DHX32: variants seen among roughly 807,000 people sequenced by gnomAD.
DHX32 encodes the protein DEAH-box helicase 32 (putative).
Under a neutral mutation model 70.0 loss-of-function variants are expected in DHX32, and 51 were observed. That is an observed-to-expected ratio of 0.73 (90% CI 0.58 to 0.92). The LOEUF (loss-of-function observed/expected upper bound fraction) is 0.92, where lower values mean the gene tolerates loss of function less well. Among genes scored for constraint, DHX32 ranks in the 40% least tolerant of loss-of-function variants. The pLI, the probability that DHX32 is intolerant of heterozygous loss-of-function variation, is 0.00. For missense variants in DHX32, 762 were observed against 891.8 expected (o/e 0.85, Z 1.85); for synonymous variants, 310 against 315.3 (o/e 0.98, Z 0.18).
At chr10:125,861,346 A>T (rs1944187107) in intron 2 of DHX32, among the ~76,000 whole-genome samples, 1 of 151,950 alleles carries the variant, frequency 6.6e-6, no homozygotes, top group Non-Finnish European at 1.5e-5. Context: ...AAATACAAAA[A>T]ATTAGCCGGG....
intron 1 of DHX32, among the ~76,000 whole-genome samples, chr10:125,893,648 A>G (rs1262285000): frequency 6.6e-6 from 1 of 152,236 alleles, no homozygotes; most frequent in Non-Finnish European, 1.5e-5. Flanking sequence ...CAAAGAGGAA[A>G]ACACCAAAAA....
At chr10:125,839,307 G>GT in intron 8 of DHX32, 119 bp from the exon 9 acceptor site, 2 of 984,280 alleles carry the variant, frequency 2.0e-6, no homozygotes, top group Non-Finnish European at 2.9e-6. Context: ...AGGAGGCCAC[G>GT]TAGGTGAGTG....
In DHX32 at chr10:125,836,623, T is replaced by C. The variant is rs964141130; in HGVS notation, c.*64A>G. Reference sequence around the variant, plus strand: ...CCGTCTTCGCGTCATGTATCTCCCATATCCAGCAGTTCAGCCATCCAGCTA... The same window carrying C: ...CCGTCTTCGCGTCATGTATCTCCCACATCCAGCAGTTCAGCCATCCAGCTA... On this transcript the variant is annotated 3_prime_UTR_variant, in exon 11 of 11. Coordinates refer to ENST00000284690, the MANE Select transcript of DHX32 (RefSeq NM_018180.3). 16 of 1,569,914 alleles carry C rather than the reference T, an allele frequency of 1.0e-5. No individual in the cohort carries two copies. The Admixed American group carries it at 1.9e-4, about 19-fold the overall frequency.
intron 1 of DHX32, among the ~76,000 whole-genome samples, chr10:125,895,748 G>A (rs1353037342): frequency 2.0e-5 from 3 of 152,272 alleles, no homozygotes; most frequent in Admixed American, 1.3e-4. Context: ...CACAAAAAAC[G>A]AAGCCAGCGA....
At chr10:125,847,902 G>T (rs978316854) in intron 6 of DHX32, among the ~76,000 whole-genome samples, 1 of 152,156 alleles carries the variant, frequency 6.6e-6, no homozygotes, top group Admixed American at 6.5e-5. Context: ...GATCTGACAG[G>T]AGGTGGAGCT....
At chr10:125,852,055 A>G (rs1944097642) in intron 6 of DHX32, among the ~76,000 whole-genome samples, 1 of 152,120 alleles carries the variant, frequency 6.6e-6, no homozygotes, top group Non-Finnish European at 1.5e-5. Flanking sequence ...CCTGTGCTGC[A>G]GTGTCCAACA....
At chr10:125,882,405 C>T (rs1944322668), upstream of DHX32, among the ~76,000 whole-genome samples, 1 of 152,172 alleles carries the variant, frequency 6.6e-6, no homozygotes, top group East Asian at 1.9e-4. Flanking sequence ...AAAGCTCTCT[C>T]TCTATTGGTC....
intron 2 of DHX32, among the ~76,000 whole-genome samples, chr10:125,865,903 A>G (rs1479761809): frequency 2.6e-5 from 4 of 152,208 alleles, no homozygotes; most frequent in Non-Finnish European, 4.4e-5. Context: ...AATCCCTTCC[A>G]CTATCCAGTT....
At chr10:125,850,248 G>A (rs2134041006) in intron 6 of DHX32, among the ~76,000 whole-genome samples, 1 of 151,642 alleles carries the variant, frequency 6.6e-6, no homozygotes, top group Admixed American at 6.6e-5. Flanking sequence ...AAGGTGCCAG[G>A]ATTACAGGTG....
intron 1 of DHX32, among the ~76,000 whole-genome samples, chr10:125,894,064 T>C (rs1944387052): frequency 6.6e-6 from 1 of 152,310 alleles, no homozygotes; most frequent in South Asian, 2.1e-4. Flanking sequence ...ATAATGTAAC[T>C]ATTCTATCTA....
chr10:125,883,194 G>A (rs903797962), upstream of DHX32, among the ~76,000 whole-genome samples: 1 of 152,008 alleles, frequency 6.6e-6, no homozygotes, highest in Non-Finnish European at 1.5e-5. Context: ...GACTTACCTG[G>A]CCCCTTCATC....
At chr10:125,893,948 T>C (rs1944386351) in intron 1 of DHX32, among the ~76,000 whole-genome samples, 1 of 152,180 alleles carries the variant, frequency 6.6e-6, no homozygotes, top group South Asian at 2.1e-4. Flanking sequence ...AGTCAAGAGA[T>C]TTAAATAAGA....
upstream of DHX32, chr10:125,881,318 C>T (rs991269561): frequency 6.5e-6 from 1 of 153,230 alleles, no homozygotes; most frequent in African/African-American, 2.4e-5. Flanking sequence ...CTCTGCCTGA[C>T]CTCTATCTCA....
chr10:125,841,342 C>T, intron 7 of DHX32: 1 of 1,613,998 alleles, frequency 6.2e-7, no homozygotes, highest in Non-Finnish European at 8.5e-7. Context: ...TTGGTCTGTT[C>T]CCCCAGTATT....
At chr10:125,843,733 T>C (rs1173143898) in intron 6 of DHX32, among the ~76,000 whole-genome samples, 1 of 152,192 alleles carries the variant, frequency 6.6e-6, no homozygotes, top group Non-Finnish European at 1.5e-5. Flanking sequence ...GAAGCTGCGA[T>C]GCAGCCTACC....
intron 1 of DHX32, among the ~76,000 whole-genome samples, chr10:125,895,489 C>T (rs1425320767): frequency 2.6e-5 from 4 of 152,188 alleles, no homozygotes; most frequent in Non-Finnish European, 5.9e-5. Flanking sequence ...TTTCCTCCTT[C>T]TGGTGTTCCG....
intron 1 of DHX32, among the ~76,000 whole-genome samples, chr10:125,887,777 A>G (rs2134079697): frequency 6.6e-6 from 1 of 151,924 alleles, no homozygotes; most frequent in Admixed American, 6.6e-5. Context: ...CCTGCCTTAT[A>G]TTCTTTAATA....
intron 1 of DHX32, among the ~76,000 whole-genome samples, chr10:125,879,680 T>A (rs542764772): frequency 6.6e-6 from 1 of 152,248 alleles, no homozygotes; most frequent in South Asian, 2.1e-4. Context: ...ACAAGGTCTC[T>A]CACTCACATC....
rs1290023257 is a variant in DHX32 at position 125,839,151 on chromosome 10, G to C, written c.1731C>G (p.Asn577Lys). The change falls in exon 9 of 11, where the codon AAC (asparagine) becomes AAG (lysine). Residue 577 changes from asparagine to lysine, a missense_variant. Asn to Lys is a moderately conservative substitution (Grantham distance 94, BLOSUM62 0). Transcript: ENST00000284690. ...VEKWCRDYFL[N>K]CSALRMADVI... Reference sequence around the variant, plus strand: ...CATCTGCCATTCTGAGTGCTGAACAGTTGAGGAAGTAATCACGACACCACT... The same window carrying C: ...CATCTGCCATTCTGAGTGCTGAACACTTGAGGAAGTAATCACGACACCACT... 2 of 1,614,262 alleles carry C rather than the reference G, an allele frequency of 1.2e-6. No individual in the cohort carries two copies. Among genetic ancestry groups the C allele is most frequent in the Non-Finnish European group, 1.7e-6 (2 of 1,180,048 alleles).
Sources: allele counts gnomAD v4.1 joint callset (sites outside exome capture counted in the v4.1 genomes callset), GRCh38; gene constraint gnomAD v4.1.1; transcripts MANE v1.5; gene names NCBI Gene and HGNC (gene_info 2026-07-23, HGNC 2026-07-21).